The following EBF3 variants were observed in gnomAD, a reference collection of about 807,000 sequenced individuals.
EBF3 encodes the protein EBF transcription factor 3, also known as transcription factor COE3.
EBF3 carries 18 observed loss-of-function variants against 77.1 expected under a neutral mutation model. The observed-to-expected ratio is 0.23, with a 90% CI of 0.16 to 0.35. The LOEUF (loss-of-function observed/expected upper bound fraction) is 0.35, where lower values mean the gene tolerates loss of function less well. EBF3 is among the 10% of genes least tolerant of loss of function. The probability of loss-of-function intolerance (pLI) is 1.00; values close to 1 mark genes in which losing one functional copy is unlikely to be tolerated. For missense variants in EBF3, 558 were observed against 860.0 expected, an observed-to-expected ratio of 0.65 and a Z score of 4.39; for synonymous variants, 350 against 343.5, an observed-to-expected ratio of 1.02 and a Z score of -0.21.
At chr10:129,859,893 A>C (rs572033000) in intron 10 of EBF3, among the ~76,000 whole-genome samples, 1 of 152,056 alleles carries the variant, frequency 6.6e-6, no homozygotes, top group Non-Finnish European at 1.5e-5. Context: ...TCTTGTTCCT[A>C]TTTTTCCAGG....
chr10:129,963,956 C>T lies in EBF3; in HGVS notation c.-188G>A. ...TACACCAGCGGCCGGGCGCTCCGGA[C>T]GGCCAGGGGCGCGGAGGCGGCTCCA... On this transcript the variant is annotated 5_prime_UTR_variant, in exon 1 of 17. Coordinates refer to ENST00000440978, the MANE Select transcript of EBF3 (RefSeq NM_001375380.1). This position sits in a 1 kb window ranked among gnomAD's most constrained non-coding sequence, Gnocchi z 7.1. 9.7e-6 allele frequency: 10 copies of T among 1,031,532 alleles called. No individual in the cohort carries two copies. Among genetic ancestry groups the T allele is most frequent in the Non-Finnish European group, 9.3e-6 (8 of 862,076 alleles). 63.9% of individuals were successfully genotyped at this position (1,031,532 alleles called of 1,614,324 possible). A position where few individuals can be genotyped will look rare whatever the true frequency, so the allele number is the denominator to read the frequency against.
chr10:129,887,107 A>G (rs1031756170), intron 6 of EBF3, among the ~76,000 whole-genome samples: 59 of 120,868 alleles, frequency 4.9e-4, no homozygotes, highest in Admixed American at 6.5e-4. Flanking sequence ...AGTCGGGGGC[A>G]CTGGCCCACA....
intron 11 of EBF3, 180 bp from the exon 12 acceptor site, chr10:129,843,382 CTGTT>C (rs1267668035): frequency 1.4e-5 from 8 of 576,542 alleles, no homozygotes; most frequent in East Asian, 8.5e-5. Flanking sequence ...GCTGACAACA[CTGTT>C]TGTGGCCTTT....
At chr10:129,846,530 G>A (rs1850479436) in intron 11 of EBF3, among the ~76,000 whole-genome samples, 1 of 151,372 alleles carries the variant, frequency 6.6e-6, no homozygotes, top group Non-Finnish European at 1.5e-5. Flanking sequence ...GACACTTACG[G>A]CTGATTTTCT....
At chr10:129,915,485 C>T (rs1335209694) in intron 6 of EBF3, among the ~76,000 whole-genome samples, 3 of 124,788 alleles carry the variant, frequency 2.4e-5, no homozygotes, top group Non-Finnish European at 5.0e-5. Flanking sequence ...CACACACACA[C>T]ACACACACAC....
At chr10:129,960,368 AC>A (rs1859411873) in intron 4 of EBF3, among the ~76,000 whole-genome samples, 1 of 152,034 alleles carries the variant, frequency 6.6e-6, no homozygotes, top group Admixed American at 6.5e-5. Context: ...TTCCCCGCGA[AC>A]CCCGCTCACC....
intron 6 of EBF3, among the ~76,000 whole-genome samples, chr10:129,878,946 G>C (rs2134136043): frequency 6.6e-6 from 1 of 152,224 alleles, no homozygotes; most frequent in East Asian, 1.9e-4. Flanking sequence ...CACTCTGCAG[G>C]GCTGGGGAGG....
At chr10:129,925,508 C>T (rs77579624) in intron 6 of EBF3, among the ~76,000 whole-genome samples, 1 of 151,064 alleles carries the variant, frequency 6.6e-6, no homozygotes, top group Admixed American at 6.6e-5. Flanking sequence ...AGGAGAATCA[C>T]TTGGACCCGG....
chr10:129,915,588 G>A (rs930308926), intron 6 of EBF3, among the ~76,000 whole-genome samples: 1 of 152,144 alleles, frequency 6.6e-6, no homozygotes, highest in Non-Finnish European at 1.5e-5. Flanking sequence ...TTGTTGTAAC[G>A]AGCGACAGCC....
intron 10 of EBF3, among the ~76,000 whole-genome samples, chr10:129,850,604 C>G (rs1352924258): frequency 6.6e-6 from 1 of 152,180 alleles, no homozygotes; most frequent in African/African-American, 2.4e-5. Context: ...AGCTCTAAAT[C>G]CCTTCCAGGG....
At chr10:129,843,990 G>A (rs574352253) in intron 11 of EBF3, among the ~76,000 whole-genome samples, 1 of 152,344 alleles carries the variant, frequency 6.6e-6, no homozygotes, top group African/African-American at 2.4e-5. Context: ...GGGGGCTTAC[G>A]TTTTAACTTT....
chr10:129,906,075 C>A (rs1224405923), intron 6 of EBF3, among the ~76,000 whole-genome samples: 1 of 152,158 alleles, frequency 6.6e-6, no homozygotes, highest in Non-Finnish European at 1.5e-5. Flanking sequence ...AGCATTTCCC[C>A]AGATTATAAT....
chr10:129,877,644 T>A, intron 7 of EBF3, 124 bp downstream of exon 7: 1 of 723,106 alleles, frequency 1.4e-6, no homozygotes, highest in East Asian at 2.7e-5. Context: ...AATGCACCAA[T>A]TCCAGTTTGC....
chr10:129,838,953 T>G, intron 16 of EBF3, 130 bp downstream of exon 16: 1 of 873,354 alleles, frequency 1.1e-6, no homozygotes, highest in South Asian at 1.6e-5. Context: ...CCTCACCACC[T>G]GCCTCTGCAA....
rs1488545175 is a variant in EBF3 at position 129,863,328 on chromosome 10, T to C, written c.1039+3813A>G. Reference sequence around the variant, plus strand: ...GAACCGCCACAGCCTCCCAAGGTAATTGTGTCTTTATAGGAGTTGAAAGCA... The same window carrying C: ...GAACCGCCACAGCCTCCCAAGGTAACTGTGTCTTTATAGGAGTTGAAAGCA... On this transcript the variant is annotated intron_variant, in intron 10 of 16. Coordinates refer to ENST00000440978, the MANE Select transcript of EBF3 (RefSeq NM_001375380.1). The surrounding 1 kb of genome is among the most constrained non-coding windows in gnomAD (Gnocchi z 4.0). Among the ~76,000 whole-genome samples the C allele has an allele frequency of 6.6e-6, 1 of 152,188 alleles. No individual in the cohort carries two copies. The highest frequency in any genetic ancestry group is 1.5e-5 in the Non-Finnish European group (1 of 68,032).
At position 129,861,023 on chromosome 10, in the gene EBF3, G is replaced by A. The variant is rs762505149; in HGVS notation, c.1039+6118C>T. ...GTCTCATTCTCCTGGCCTCCTTGGA[G>A]ACAGGAAAGAGAGGGGACAGCAGTG... On this transcript the variant is annotated intron_variant, in intron 10 of 16. Transcript: ENST00000440978. This position sits in a 1 kb window ranked among gnomAD's most constrained non-coding sequence, Gnocchi z 4.3. Among the ~76,000 whole-genome samples the A allele has an allele frequency of 3.7e-4, 57 of 152,248 alleles. No individual in the cohort carries two copies. Among genetic ancestry groups the A allele is most frequent in the Non-Finnish European group, 6.5e-4 (44 of 68,046 alleles).
At chr10:129,868,869 G>A (rs1036675649) in intron 8 of EBF3, among the ~76,000 whole-genome samples, 5 of 152,238 alleles carry the variant, frequency 3.3e-5, no homozygotes, top group African/African-American at 9.6e-5. Flanking sequence ...CAAAGGAGGG[G>A]TTGTTTGCAT....
intron 6 of EBF3, among the ~76,000 whole-genome samples, chr10:129,884,455 T>C (rs1853429527): frequency 6.6e-6 from 1 of 152,216 alleles, no homozygotes; most frequent in African/African-American, 2.4e-5. Context: ...TTTAATGCCA[T>C]ACGGGAGAAA....
intron 10 of EBF3, among the ~76,000 whole-genome samples, chr10:129,849,522 G>T (rs1850710018): frequency 6.6e-6 from 1 of 152,192 alleles, no homozygotes; most frequent in African/African-American, 2.4e-5. Flanking sequence ...AAAGACTGCG[G>T]CTTCCGGAGA....
Sources: gnomAD v4.1 joint callset for allele counts (sites outside exome capture counted in the v4.1 genomes callset) on GRCh38, gnomAD v4.1.1 for gene constraint, Gnocchi (gnomAD v3.1) non-coding constraint, MANE v1.5 for transcripts, NCBI Gene and HGNC (gene_info 2026-07-23, HGNC 2026-07-21) for gene names.